Variants in ADGRD1 observed in about 807,000 individuals in gnomAD.
ADGRD1 encodes G-protein coupled receptor 133.
In ADGRD1, 77 loss-of-function variants were observed where a neutral mutation model predicts 113.4. The observed-to-expected ratio is 0.68, with a 90% CI of 0.57 to 0.82. The LOEUF is 0.82. Among genes scored for constraint, ADGRD1 ranks in the 40% least tolerant of loss-of-function variants. The probability of loss-of-function intolerance (pLI) is 0.00; values close to 1 mark genes in which losing one functional copy is unlikely to be tolerated. For missense variants in ADGRD1, 1,036 were observed against 1,139.1 expected, an observed-to-expected ratio of 0.91 and a Z score of 1.30; for synonymous variants, 474 against 475.0, an observed-to-expected ratio of 1.00 and a Z score of 0.03.
At chr12:131,055,137 A>C (rs1408647543) in intron 13 of ADGRD1, among the ~76,000 whole-genome samples, 2 of 152,184 alleles carry the variant, frequency 1.3e-5, no homozygotes, top group Non-Finnish European at 2.9e-5. Flanking sequence ...AAATTATGGA[A>C]GATTTTGAAA....
chr12:131,122,363 C>T (rs1950619004), intron 20 of ADGRD1, among the ~76,000 whole-genome samples: 1 of 152,088 alleles, frequency 6.6e-6, no homozygotes, highest in African/African-American at 2.4e-5. Flanking sequence ...GCAGAGGGGA[C>T]GCCTTTGGGG....
chr12:131,135,535 C>T (rs113781591), intron 21 of ADGRD1, among the ~76,000 whole-genome samples: 4 of 152,194 alleles, frequency 2.6e-5, no homozygotes, highest in Admixed American at 6.5e-5. Flanking sequence ...GGGTGATCAG[C>T]GGGGGACACG....
In ADGRD1 at chr12:131,003,331, A is replaced by G. The variant is rs1226284763; in HGVS notation, c.1144+29A>G. On this transcript the variant is annotated intron_variant, in intron 10 of 24. Coordinates refer to ENST00000261654, the MANE Select transcript of ADGRD1 (RefSeq NM_198827.5). The surrounding 1 kb of genome is among the most constrained non-coding windows in gnomAD (Gnocchi z 4.8). ...GCTGTCGCTTGTAAGGGTGAGCCAC[A>G]TGGCAGGGGCGGGGGCTGGAGGCTG... 1.4e-6 allele frequency: 2 copies of G among 1,481,244 alleles called. No homozygotes were observed. The highest frequency in any genetic ancestry group is 1.4e-5 in the African/African-American group (1 of 72,228). 91.8% of individuals were successfully genotyped at this position (1,481,244 alleles called of 1,614,324 possible).
chr12:131,084,395 G>C lies in ADGRD1; in HGVS notation c.1548-145G>C, dbSNP rs374789021. On this transcript the variant is annotated intron_variant, in intron 14 of 24. Transcript: ENST00000261654. The surrounding 1 kb of genome is among the most constrained non-coding windows in gnomAD (Gnocchi z 4.5). ...TCTCTCCTCCCAACCCCCACACCACGGTCTGGGTGTGCATTCCTGGCGTGG... is the reference window on the plus strand; with the variant it reads ...TCTCTCCTCCCAACCCCCACACCACCGTCTGGGTGTGCATTCCTGGCGTGG... The C allele has an allele frequency of 3.8e-6, 3 of 786,610 alleles. No homozygotes were observed. The highest frequency in any genetic ancestry group is 6.3e-6 in the Non-Finnish European group (3 of 476,360). The allele number at this position is 786,610 out of a possible 1,614,324, so 48.7% of individuals were successfully genotyped here. A position where few individuals can be genotyped will look rare whatever the true frequency, so the allele number is the denominator to read the frequency against.
At chr12:131,117,007 A>C (rs1190346419) in intron 18 of ADGRD1, among the ~76,000 whole-genome samples, 2 of 152,234 alleles carry the variant, frequency 1.3e-5, no homozygotes, top group African/African-American at 4.8e-5. Context: ...GCTGAGCTTG[A>C]GGAGTGTTGC....
intron 13 of ADGRD1, among the ~76,000 whole-genome samples, chr12:131,019,854 G>C (rs1732816): frequency 1.9e-5 from 1 of 53,918 alleles, no homozygotes; most frequent in African/African-American, 5.5e-5. Context: ...CCCGAGCTCC[G>C]TCCAGGGCAG....
At chr12:131,098,671 G>T (rs1949999999) in intron 15 of ADGRD1, among the ~76,000 whole-genome samples, 1 of 152,176 alleles carries the variant, frequency 6.6e-6, no homozygotes, top group African/African-American at 2.4e-5. Flanking sequence ...CCGTGTGAGG[G>T]CCACCATCCC....
chr12:131,057,026 G>C lies in ADGRD1; in HGVS notation c.1474-19775G>C, dbSNP rs181802616. On this transcript the variant is annotated intron_variant, in intron 13 of 24. Transcript: ENST00000261654. The surrounding 1 kb of genome is among the most constrained non-coding windows in gnomAD (Gnocchi z 4.2). ...ATGAGATTTAGGATGCTGGGAAGGA[G>C]GGGGAGGATAATTACTAATTATGGT... is the stretch of plus-strand genomic sequence containing the variant. Among the ~76,000 whole-genome samples, 36 of 152,294 alleles carry C rather than the reference G, an allele frequency of 2.4e-4. No homozygotes were observed. The highest frequency in any genetic ancestry group is 8.7e-4 in the African/African-American group (36 of 41,544).
chr12:131,125,612 A>T (rs889706925), intron 20 of ADGRD1, among the ~76,000 whole-genome samples: 1 of 152,242 alleles, frequency 6.6e-6, no homozygotes, highest in Non-Finnish European at 1.5e-5. Flanking sequence ...AAATACAGAG[A>T]TAGATACAGA....
chr12:130,999,225 C>T (rs1042589808), intron 8 of ADGRD1, among the ~76,000 whole-genome samples: 1 of 152,200 alleles, frequency 6.6e-6, no homozygotes, highest in Non-Finnish European at 1.5e-5. Flanking sequence ...AAGTTTTATT[C>T]ATGCATGCCC....
At chr12:131,000,264 T>C (rs1287377700) in intron 8 of ADGRD1, 119 bp from the exon 9 acceptor site, 6 of 749,050 alleles carry the variant, frequency 8.0e-6, no homozygotes, top group African/African-American at 6.9e-5. Flanking sequence ...TTGACTGCCG[T>C]GCATAAAACT....
At chr12:131,127,077 A>C (rs1194444073) in intron 20 of ADGRD1, among the ~76,000 whole-genome samples, 2 of 152,168 alleles carry the variant, frequency 1.3e-5, no homozygotes, top group African/African-American at 4.8e-5. Flanking sequence ...TAAGATGGAA[A>C]AAATGTGCCT....
intron 15 of ADGRD1, among the ~76,000 whole-genome samples, chr12:131,085,319 A>G (rs989403295): frequency 1.3e-5 from 2 of 152,142 alleles, no homozygotes; most frequent in African/African-American, 4.8e-5. Flanking sequence ...TGGGGGCAGA[A>G]TGTTCTAGGC....
chr12:131,129,890 T>G (rs951801625), intron 20 of ADGRD1, among the ~76,000 whole-genome samples: 5 of 152,204 alleles, frequency 3.3e-5, no homozygotes, highest in African/African-American at 1.2e-4. Flanking sequence ...CGAAAGTGCT[T>G]CCCAGGCAGA....
At chr12:131,094,546 C>T (rs1020053859) in intron 15 of ADGRD1, among the ~76,000 whole-genome samples, 3 of 151,618 alleles carry the variant, frequency 2.0e-5, no homozygotes, top group Non-Finnish European at 2.9e-5. Flanking sequence ...TCCTGCCTTG[C>T]CCAGGAGTAA....
intron 13 of ADGRD1, among the ~76,000 whole-genome samples, chr12:131,042,427 A>G (rs924001193): frequency 6.6e-6 from 1 of 152,238 alleles, no homozygotes; most frequent in African/African-American, 2.4e-5. Context: ...AAACAGCCTC[A>G]TGGTACACAG....
chr12:131,101,457 G>A (rs1442726599), intron 15 of ADGRD1, among the ~76,000 whole-genome samples: 5 of 121,758 alleles, frequency 4.1e-5, no homozygotes, highest in Non-Finnish European at 7.9e-5. Context: ...GCACGATTTC[G>A]GCTCACTGCA....
intron 21 of ADGRD1, 139 bp from the exon 22 acceptor site, chr12:131,135,898 C>A: frequency 1.3e-6 from 1 of 799,370 alleles, no homozygotes; most frequent in Non-Finnish European, 2.0e-6. Flanking sequence ...ACCAGGGCTA[C>A]CTGCAGGGAG....
intron 13 of ADGRD1, among the ~76,000 whole-genome samples, chr12:131,016,377 G>T (rs1350894297): frequency 1.3e-5 from 2 of 152,256 alleles, no homozygotes; most frequent in Non-Finnish European, 2.9e-5. Context: ...CGGAGTCAGT[G>T]CCCTGTCTTG....
Sources: allele counts gnomAD v4.1 joint callset (sites outside exome capture counted in the v4.1 genomes callset), GRCh38; gene constraint gnomAD v4.1.1; non-coding constraint Gnocchi (gnomAD v3.1); transcripts MANE v1.5; gene names NCBI Gene and HGNC (gene_info 2026-07-23, HGNC 2026-07-21).